The following ARFGEF3 variants were observed in gnomAD, a reference collection of about 807,000 sequenced individuals.
ARFGEF3 encodes the protein ARFGEF family member 3, also known as brefeldin A-inhibited guanine nucleotide-exchange protein 3.
Under a neutral mutation model 221.7 loss-of-function variants are expected in ARFGEF3, and 96 were observed. The ratio of observed to expected loss-of-function variants is 0.43; its 90% CI spans 0.37 to 0.51. ARFGEF3 has a LOEUF of 0.51. ARFGEF3 is among the 20% of genes least tolerant of loss of function. ARFGEF3 has a pLI of 0.00. For missense variants in ARFGEF3, 2,410 were observed against 2,789.9 expected, an observed-to-expected ratio of 0.86 and a Z score of 3.07; for synonymous variants, 1,145 against 1,126.8, an observed-to-expected ratio of 1.02 and a Z score of -0.32.
At chr6:138,203,705 G>A (rs1470467987) in intron 2 of ARFGEF3, among the ~76,000 whole-genome samples, 5 of 152,080 alleles carry the variant, frequency 3.3e-5, no homozygotes, top group Non-Finnish European at 7.4e-5. Flanking sequence ...GCAGTGGCAC[G>A]ATCTTGGCTC....
At chr6:138,252,839 C>T (rs903980540) in intron 8 of ARFGEF3, among the ~76,000 whole-genome samples, 1 of 152,134 alleles carries the variant, frequency 6.6e-6, no homozygotes, top group Non-Finnish European at 1.5e-5. Flanking sequence ...AAATTAAATT[C>T]TTCCTTAGCC....
In ARFGEF3 at chr6:138,209,793, C is replaced by CCCCCAG. The variant is rs1340931447; in HGVS notation, c.220-116_220-115insCCCAGC. The CCCCCAG allele has an allele frequency of 7.8e-6, 10 of 1,288,440 alleles. No homozygotes were observed. The African/African-American group carries it at 1.3e-4, about 17-fold the overall frequency. 79.8% of individuals were successfully genotyped at this position (1,288,440 alleles called of 1,614,324 possible). A position where few individuals can be genotyped will look rare whatever the true frequency, so the allele number is the denominator to read the frequency against. On this transcript the variant is annotated intron_variant, in intron 3 of 33. Coordinates refer to ENST00000251691, the MANE Select transcript of ARFGEF3 (RefSeq NM_020340.5). Reference sequence around the variant, plus strand: ...CATAGCGTAAGTTCTTTCTTAATGGCCTCCAGCTACACGCCTCCCCAGTAA... The same window carrying CCCCCAG: ...CATAGCGTAAGTTCTTTCTTAATGGCCCCCAGCTCCAGCTACACGCCTCCCCAGTAA...
intron 2 of ARFGEF3, among the ~76,000 whole-genome samples, chr6:138,196,911 G>T (rs906229583): frequency 6.6e-6 from 1 of 151,662 alleles, no homozygotes; most frequent in Non-Finnish European, 1.5e-5. Context: ...TCGGCTCACC[G>T]CAACCTCCGC....
chr6:138,197,273 G>C (rs1238135916), intron 2 of ARFGEF3, among the ~76,000 whole-genome samples: 3 of 152,172 alleles, frequency 2.0e-5, no homozygotes, highest in Non-Finnish European at 2.9e-5. Flanking sequence ...AAGGTCTTCA[G>C]GGTCAGTAAA....
intron 12 of ARFGEF3, among the ~76,000 whole-genome samples, chr6:138,269,971 C>A (rs1562374615): frequency 6.6e-6 from 1 of 152,132 alleles, no homozygotes; most frequent in Non-Finnish European, 1.5e-5. Context: ...GACTGTCATC[C>A]TCAGGTTTCC....
At chr6:138,314,042 T>A in intron 26 of ARFGEF3, 103 bp downstream of exon 26, 1 of 1,200,968 alleles carries the variant, frequency 8.3e-7, no homozygotes, top group South Asian at 1.5e-5. Flanking sequence ...ATTGTCTTAG[T>A]CCATTTTGTG....
intron 30 of ARFGEF3, 77 bp downstream of exon 30, chr6:138,323,850 C>T: frequency 6.4e-7 from 1 of 1,558,826 alleles, no homozygotes. Flanking sequence ...ATGTTGGGCA[C>T]ATGGGTTCTG....
At chr6:138,265,998 T>A (rs1778886051) in intron 12 of ARFGEF3, among the ~76,000 whole-genome samples, 1 of 151,970 alleles carries the variant, frequency 6.6e-6, no homozygotes, top group South Asian at 2.1e-4. Context: ...GGTGGATTGC[T>A]TGAGCTCAGG....
At chr6:138,251,166 G>A (rs946443269) in intron 8 of ARFGEF3, among the ~76,000 whole-genome samples, 1 of 152,136 alleles carries the variant, frequency 6.6e-6, no homozygotes, top group African/African-American at 2.4e-5. Context: ...ATAACCTGGG[G>A]GTTGAAGTAT....
chr6:138,252,201 A>G (rs41460351), intron 8 of ARFGEF3, among the ~76,000 whole-genome samples: 3,122 of 152,300 alleles, frequency 0.02, 99 homozygotes, highest in African/African-American at 0.067. Context: ...TAATCACTAT[A>G]CAGCTTTCTT....
At chr6:138,176,745 G>A (rs1048005359) in intron 2 of ARFGEF3, among the ~76,000 whole-genome samples, 2 of 151,760 alleles carry the variant, frequency 1.3e-5, no homozygotes, top group African/African-American at 4.8e-5. Context: ...GTGAATATCA[G>A]CCTTTTATTT....
At chr6:138,171,019 C>G (rs1484929124) in intron 2 of ARFGEF3, among the ~76,000 whole-genome samples, 1 of 152,006 alleles carries the variant, frequency 6.6e-6, no homozygotes, top group Non-Finnish European at 1.5e-5. Context: ...TAACAAAGCC[C>G]CACTCCTGTG....
intron 27 of ARFGEF3, among the ~76,000 whole-genome samples, chr6:138,319,331 AT>A: frequency 6.6e-6 from 1 of 152,050 alleles, no homozygotes; most frequent in South Asian, 2.1e-4. Context: ...TCTCCTTTAT[AT>A]AAAATATTTC....
chr6:138,335,979 G>C (rs1205700352), intron 33 of ARFGEF3, among the ~76,000 whole-genome samples: 1 of 152,040 alleles, frequency 6.6e-6, no homozygotes, highest in Non-Finnish European at 1.5e-5. Flanking sequence ...GGCCTGTGGA[G>C]ATCTCACTGT....
chr6:138,253,469 G>A (rs773151469), intron 8 of ARFGEF3, among the ~76,000 whole-genome samples: 8 of 152,198 alleles, frequency 5.3e-5, no homozygotes, highest in Non-Finnish European at 1.0e-4. Flanking sequence ...CCTCCTGAGA[G>A]GTGAGAGAGA....
At chr6:138,262,187 C>A (rs1583037287) in intron 11 of ARFGEF3, among the ~76,000 whole-genome samples, 1 of 127,918 alleles carries the variant, frequency 7.8e-6, no homozygotes, top group Non-Finnish European at 1.6e-5. Flanking sequence ...ATGCAGACCA[C>A]TTTTTTTTTT....
At chr6:138,195,995 A>T (rs1467211298) in intron 2 of ARFGEF3, among the ~76,000 whole-genome samples, 4 of 91,684 alleles carry the variant, frequency 4.4e-5, no homozygotes, top group Non-Finnish European at 8.0e-5. Context: ...GTGTCTTGGT[A>T]AAAAAAAAAA....
chr6:138,323,400 A>T (rs1985498), intron 29 of ARFGEF3, among the ~76,000 whole-genome samples: 139,671 of 152,132 alleles, frequency 0.92, 64,247 homozygotes, highest in East Asian at 1. Flanking sequence ...TCACCTGAGG[A>T]TGGGAGTTCG....
At position 138,224,879 on chromosome 6, in the gene ARFGEF3, A is replaced by G. The variant is rs1286061062; in HGVS notation, c.352-4905A>G. On this transcript the variant is annotated intron_variant, in intron 4 of 33. Transcript: ENST00000251691. ...TAAATATTTTATATTATGCAATTTG[A>G]GCAAATTATATTTCTGTTCTCCAAA... 2.6e-5 allele frequency among the ~76,000 whole-genome samples: 4 copies of G among 152,198 alleles called. 1 individual carries two copies. Among genetic ancestry groups the G allele is most frequent in the Admixed American group, 2.0e-4 (3 of 15,278 alleles).
Sources: allele counts gnomAD v4.1 joint callset (sites outside exome capture counted in the v4.1 genomes callset), GRCh38; gene constraint gnomAD v4.1.1; transcripts MANE v1.5; gene names NCBI Gene and HGNC (gene_info 2026-07-23, HGNC 2026-07-21).